GRAMD1B: variants seen among roughly 807,000 people sequenced by gnomAD.
GRAMD1B encodes the protein protein Aster-B.
A neutral mutation model predicts 99.7 loss-of-function variants in GRAMD1B; 37 were observed. The observed-to-expected ratio is 0.37, with a 90% CI of 0.29 to 0.49. The LOEUF (loss-of-function observed/expected upper bound fraction) is 0.49. Ranked by LOEUF, GRAMD1B falls within the 20% of genes least tolerant of loss-of-function variation. The pLI, the probability that GRAMD1B is intolerant of heterozygous loss-of-function variation, is 0.98. For synonymous variants in GRAMD1B, 427 were observed against 387.6 expected, an observed-to-expected ratio of 1.10 and a Z score of -1.19; for missense variants, 888 against 1,009.2, an observed-to-expected ratio of 0.88 and a Z score of 1.63.
intron 18 of GRAMD1B, 67 bp downstream of exon 18, chr11:123,618,867 G>GT (rs1160376123): frequency 1.2e-6 from 1 of 838,462 alleles, no homozygotes; most frequent in African/African-American, 1.7e-5. Flanking sequence ...CTGTCTCCCA[G>GT]TCTCCTTGGG....
At chr11:123,531,206 C>T (rs898558677) in intron 2 of GRAMD1B, among the ~76,000 whole-genome samples, 3 of 152,138 alleles carry the variant, frequency 2.0e-5, no homozygotes, top group Non-Finnish European at 2.9e-5. Flanking sequence ...GGAGTTTTCC[C>T]GTGGTTCGGT....
chr11:123,424,056 T>G (rs1948556868), intron 1 of GRAMD1B, among the ~76,000 whole-genome samples: 1 of 152,144 alleles, frequency 6.6e-6, no homozygotes, highest in East Asian at 1.9e-4. Flanking sequence ...CCCTGCCCTA[T>G]TTCAGATTTT....
intron 1 of GRAMD1B, among the ~76,000 whole-genome samples, chr11:123,473,921 A>C (rs184316239): frequency 6.6e-6 from 1 of 152,268 alleles, no homozygotes; most frequent in African/African-American, 2.4e-5. Flanking sequence ...CATCTTTGCT[A>C]CCTGCCTTCT....
At chr11:123,433,791 G>A (rs149384976) in intron 1 of GRAMD1B, among the ~76,000 whole-genome samples, 11 of 152,068 alleles carry the variant, frequency 7.2e-5, no homozygotes, top group Admixed American at 2.6e-4. Flanking sequence ...GATTTAGGAA[G>A]GTATTCCTGG....
At chr11:123,406,463 A>G (rs573114665) in intron 1 of GRAMD1B, among the ~76,000 whole-genome samples, 72 of 152,112 alleles carry the variant, frequency 4.7e-4, no homozygotes, top group African/African-American at 1.5e-3. Context: ...CATATTGTCC[A>G]GGCTGGTCTC....
intron 2 of GRAMD1B, among the ~76,000 whole-genome samples, chr11:123,525,226 A>G (rs2135467773): frequency 6.6e-6 from 1 of 152,346 alleles, no homozygotes; most frequent in Middle Eastern, 3.4e-3. Context: ...TTTCCCCAGC[A>G]GGAGGAGAGA....
At chr11:123,580,716 G>A (rs758415934) in intron 3 of GRAMD1B, among the ~76,000 whole-genome samples, 1 of 152,118 alleles carries the variant, frequency 6.6e-6, no homozygotes, top group Non-Finnish European at 1.5e-5. Flanking sequence ...CCCAGCTTCC[G>A]CTCTGTAGTG....
At position 123,610,487 on chromosome 11, in the gene GRAMD1B, AC is replaced by A; in HGVS notation, c.1919+152del. 1 of 731,136 alleles carries A rather than the reference AC, an allele frequency of 1.4e-6. No homozygotes were observed. 45.3% of individuals were successfully genotyped at this position (731,136 alleles called of 1,614,324 possible). On this transcript the variant is annotated intron_variant, in intron 14 of 19. Transcript: ENST00000635736. The surrounding 1 kb of genome is among the most constrained non-coding windows in gnomAD (Gnocchi z 4.1). ...TTCTCTCCGAAGCCTTATGAGGCTC[AC>A]CCACCACTCTGTTTGAGTTAATTAT...
At chr11:123,534,865 A>C (rs1202349475) in intron 2 of GRAMD1B, among the ~76,000 whole-genome samples, 9 of 149,852 alleles carry the variant, frequency 6.0e-5, no homozygotes, top group Non-Finnish European at 1.3e-4. Context: ...ACTCCATCTC[A>C]AAGAAAAAAA....
rs1955551648 is a variant in GRAMD1B, at chr11:123,627,288, T to A, written c.*4693T>A. ...ATCGGCCTGGGGCTTGGGTGCCACG[T>A]GCTGAGATTGCATAGTCAAAACAGC... On this transcript the variant is annotated 3_prime_UTR_variant, in exon 20 of 20. Coordinates refer to ENST00000635736, the MANE Select transcript of GRAMD1B (RefSeq NM_001387025.1). 6.6e-6 allele frequency: 1 copy of A among 152,356 alleles called. No individual in the cohort carries two copies. The highest frequency in any genetic ancestry group is 2.1e-4 in the South Asian group (1 of 4,840). 9.4% of individuals were successfully genotyped at this position (152,356 alleles called of 1,614,324 possible).
chr11:123,512,921 T>A (rs1306034580), intron 2 of GRAMD1B, among the ~76,000 whole-genome samples: 3 of 151,978 alleles, frequency 2.0e-5, no homozygotes, highest in Non-Finnish European at 4.4e-5. Context: ...AGGAGGCTTA[T>A]TACTCAAAAA....
chr11:123,462,894 A>AT (rs55929024), intron 1 of GRAMD1B, among the ~76,000 whole-genome samples: 22,864 of 136,264 alleles, frequency 0.17, 2,097 homozygotes, highest in African/African-American at 0.21. Context: ...AATAAATTAA[A>AT]AAAAAAAAAA....
In GRAMD1B at chr11:123,598,508, C is replaced by T. The variant is rs1422682159; in HGVS notation, c.970-1960C>T. ...CTAGAAAAGCAATGTCTTTGTTCCTCTCAGTGTCTTACTTGGTGCCCTTTG... is the reference window on the plus strand; with the variant it reads ...CTAGAAAAGCAATGTCTTTGTTCCTTTCAGTGTCTTACTTGGTGCCCTTTG... On this transcript the variant is annotated intron_variant, in intron 7 of 19. Transcript: ENST00000635736. 3.7e-6 allele frequency: 5 copies of T among 1,333,530 alleles called. 1 individual carries two copies. The South Asian group carries it at 4.7e-5, about 13-fold the overall frequency. 82.6% of individuals were successfully genotyped at this position (1,333,530 alleles called of 1,614,324 possible).
intron 2 of GRAMD1B, among the ~76,000 whole-genome samples, chr11:123,556,202 G>C (rs1252389095): frequency 6.6e-6 from 1 of 152,182 alleles, no homozygotes; most frequent in Non-Finnish European, 1.5e-5. Context: ...TTGGATGATA[G>C]TTTTAAAACA....
chr11:123,419,904 G>C (rs1423614513), intron 1 of GRAMD1B, among the ~76,000 whole-genome samples: 1 of 152,128 alleles, frequency 6.6e-6, no homozygotes, highest in Non-Finnish European at 1.5e-5. Context: ...TTTTATTATG[G>C]TGGGAATGGA....
intron 1 of GRAMD1B, among the ~76,000 whole-genome samples, chr11:123,447,774 C>A (rs978462385): frequency 7.2e-5 from 11 of 152,202 alleles, no homozygotes; most frequent in Admixed American, 4.6e-4. Flanking sequence ...ATCTATGAGG[C>A]CTCCAAGTCT....
At chr11:123,608,889 T>C in intron 12 of GRAMD1B, 87 bp downstream of exon 12, 1 of 935,460 alleles carries the variant, frequency 1.1e-6, no homozygotes, top group South Asian at 1.7e-5. Flanking sequence ...CCCTTCCTTA[T>C]TCTTCTTTCC....
intron 1 of GRAMD1B, among the ~76,000 whole-genome samples, chr11:123,375,032 G>T (rs1946647419): frequency 6.6e-6 from 1 of 151,976 alleles, no homozygotes. Context: ...ATCTTTTATT[G>T]AAACTTTTAC....
At chr11:123,504,464 A>G (rs988542200) in intron 2 of GRAMD1B, among the ~76,000 whole-genome samples, 6 of 152,052 alleles carry the variant, frequency 3.9e-5, no homozygotes, top group Non-Finnish European at 5.9e-5. Context: ...CTCCCTCCTT[A>G]TCTTGACTGC....
Sources: allele counts gnomAD v4.1 joint callset (sites outside exome capture counted in the v4.1 genomes callset), GRCh38; gene constraint gnomAD v4.1.1; non-coding constraint Gnocchi (gnomAD v3.1); transcripts MANE v1.5; gene names NCBI Gene and HGNC (gene_info 2026-07-23, HGNC 2026-07-21).